CFAP126: variants seen among roughly 807,000 people sequenced by gnomAD.
CFAP126 encodes the protein protein Flattop.
CFAP126 carries 21 observed loss-of-function variants against 17.1 expected under a neutral mutation model. That is an observed-to-expected ratio of 1.23 (90% CI 0.87 to 1.77). The LOEUF (loss-of-function observed/expected upper bound fraction) is 1.77. Ranked by LOEUF, CFAP126 falls within the 40% of genes most tolerant of loss-of-function variation. The pLI is 0.00. For synonymous variants in CFAP126, 65 were observed against 73.5 expected (o/e 0.88, Z 0.59); for missense variants, 174 against 215.4 (o/e 0.81, Z 1.20).
intron 2 of CFAP126, 38 bp from the exon 3 acceptor site, chr1:161,366,316 GA>G: frequency 6.3e-7 from 1 of 1,584,936 alleles, no homozygotes; most frequent in Non-Finnish European, 8.7e-7. Flanking sequence ...TTTGTGAGGG[GA>G]AAAAGGGAAG....
chr1:161,366,365 T>C (rs755641580), intron 2 of CFAP126, 74 bp downstream of exon 2: 168 of 1,570,716 alleles, frequency 1.1e-4, no homozygotes, highest in Non-Finnish European at 1.4e-4. Flanking sequence ...TATGGGAGTT[T>C]AGAGAATGCT....
At chr1:161,366,904 G>A (rs1244594508) in intron 1 of CFAP126, 3 of 202,616 alleles carry the variant, frequency 1.5e-5, no homozygotes, top group Non-Finnish European at 3.1e-5. Context: ...CTCACAGGTA[G>A]CTGGGACTAC....
At chr1:161,365,815 T>G in intron 3 of CFAP126, 113 bp from the exon 4 acceptor site, 2 of 1,041,180 alleles carry the variant, frequency 1.9e-6, no homozygotes, top group Non-Finnish European at 2.8e-6. Context: ...GAAACAAGAC[T>G]GAAAGCATAA....
rs1278794610 is a variant in CFAP126 at position 161,366,637 on chromosome 1, G to A, written c.28-136C>T. The A allele has an allele frequency of 5.0e-6, 4 of 798,736 alleles. No homozygotes were observed. In the African/African-American group the frequency reaches 5.1e-5, roughly 10 times the overall value. The allele number at this position is 798,736 out of a possible 1,614,324, so 49.5% of individuals were successfully genotyped here. ...TAGGCTTTAAGTCACTATGACAAGGGTGTAATTTGTTTGGTCTAGATGTGT... is the reference window on the plus strand; with the variant it reads ...TAGGCTTTAAGTCACTATGACAAGGATGTAATTTGTTTGGTCTAGATGTGT... On this transcript the variant is annotated intron_variant, in intron 1 of 4. Coordinates refer to ENST00000367974, the MANE Select transcript of CFAP126 (RefSeq NM_001013625.4).
chr1:161,365,833 A>C, intron 3 of CFAP126, 131 bp from the exon 4 acceptor site: 1 of 884,364 alleles, frequency 1.1e-6, no homozygotes, highest in Non-Finnish European at 1.7e-6. Flanking sequence ...TAATCTTCCC[A>C]CCCTTCCTTA....
intron 1 of CFAP126, 83 bp from the exon 2 acceptor site, chr1:161,366,584 T>G: frequency 7.6e-7 from 1 of 1,320,888 alleles, no homozygotes; most frequent in Non-Finnish European, 1.1e-6. Flanking sequence ...TTCTTTAGAT[T>G]TGAAGACCAA....
At position 161,365,605 on chromosome 1, in the gene CFAP126, G is replaced by A; in HGVS notation, c.269C>T (p.Ala90Val). The A allele has an allele frequency of 6.2e-7, 1 of 1,614,146 alleles. No homozygotes were observed. The highest frequency in any genetic ancestry group is 8.5e-7 in the Non-Finnish European group (1 of 1,179,992). The change falls in exon 4 of 5, where the codon GCC (alanine) becomes GTC (valine). Residue 90 changes from alanine (A) to valine (V), a missense_variant. Transcript: ENST00000367974. ...TTTCTGTATCCATTTGGTGAGGGAG[G>A]CAGCACCAGCAGTTGTACGGGAGGT... ...TLTSRTTAGA[A>V]SLTKWIQKNP...
In CFAP126 at chr1:161,366,080, CAACATGA is replaced by C. The variant is rs1196685877; in HGVS notation, c.171+111_171+117del. The C allele has an allele frequency of 6.7e-6, 6 of 894,476 alleles. No homozygotes were observed. The African/African-American group carries it at 9.9e-5, about 15-fold the overall frequency. The allele number at this position is 894,476 out of a possible 1,614,324, so 55.4% of individuals were successfully genotyped here. On this transcript the variant is annotated intron_variant, in intron 3 of 4. Coordinates refer to ENST00000367974, the MANE Select transcript of CFAP126 (RefSeq NM_001013625.4). ...CGGAAGTTCAGGGGCTCTCACATTA[CAACATGA>C]ATTAGATTAAACTTTAATTTTCCCG...
intron 1 of CFAP126, 80 bp downstream of exon 1, chr1:161,367,762 A>G (rs1571905113): frequency 7.7e-7 from 1 of 1,298,042 alleles, no homozygotes; most frequent in South Asian, 1.2e-5. Context: ...AAAGATCAGA[A>G]TCCTATGAGA....
rs529245072 is a variant in CFAP126, at chr1:161,365,040, A to G, written c.459T>C (p.Asn153=). The G allele has an allele frequency of 6.2e-7, 1 of 1,614,070 alleles. No individual in the cohort carries two copies. The highest frequency in any genetic ancestry group is 2.2e-5 in the East Asian group (1 of 44,888). The stretch of plus-strand genomic sequence containing the variant: ...GTGAGCTTTGGAGTTCATCTGGGGA[A>G]TTGAGGTTGGCAGCTGGGGAGCTTG... The part of the protein sequence containing the change: ...IIPSSPAANL[N]SPDELQSSHP... Residue 153 remains asparagine, a synonymous_variant, in exon 5 of 5, where the codon AAT becomes AAC. Coordinates refer to ENST00000367974, the MANE Select transcript of CFAP126 (RefSeq NM_001013625.4).
At chr1:161,366,394 G>A in intron 2 of CFAP126, 45 bp downstream of exon 2, 1 of 1,588,620 alleles carries the variant, frequency 6.3e-7, no homozygotes. Context: ...TTAATTGACA[G>A]GGAGAGCATG....
chr1:161,366,465 AG>A lies in CFAP126; in HGVS notation c.63del (p.Trp22GlyfsTer51). 2 of 1,614,146 alleles carry A rather than the reference AG, an allele frequency of 1.2e-6. No individual in the cohort carries two copies. The highest frequency in any genetic ancestry group is 1.6e-4 in the Middle Eastern group (1 of 6,062). ...EKAFSSKYLQ[N>X]WSPTKPTKES... ...TCTTTTGTTGGCTTAGTGGGAGACC[AG>A]TTCTGCAGATACTTGGATGAGAAAG... On this transcript the variant is annotated frameshift_variant, in exon 2 of 5. Transcript: ENST00000367974. LOFTEE classifies it high-confidence loss of function.
At chr1:161,366,611 G>A (rs1571904475) in intron 1 of CFAP126, 110 bp from the exon 2 acceptor site, 2 of 969,678 alleles carry the variant, frequency 2.1e-6, no homozygotes, top group East Asian at 4.8e-5. Flanking sequence ...GACCAACCAT[G>A]TAGGCTTTAA....
In CFAP126 at chr1:161,364,847, C is replaced by T. The variant is rs1378840430; in HGVS notation, c.*118G>A. The T allele has an allele frequency of 2.7e-5, 26 of 974,534 alleles. No homozygotes were observed. Among genetic ancestry groups the T allele is most frequent in the South Asian group, 2.3e-4 (14 of 61,002 alleles). The allele number at this position is 974,534 out of a possible 1,614,324, so 60.4% of individuals were successfully genotyped here. On this transcript the variant is annotated 3_prime_UTR_variant, in exon 5 of 5. Transcript: ENST00000367974. ...TTGTTTATTTCACTGAGTCGCTATA[C>T]GGGTTTTTCAGTGTGTGGCCACTTG...
intron 3 of CFAP126, 143 bp downstream of exon 3, chr1:161,366,055 C>T (rs75715534): frequency 8.2e-5 from 61 of 739,576 alleles, no homozygotes; most frequent in Non-Finnish European, 9.5e-5. Flanking sequence ...GTAAGCTGGC[C>T]GGAAGTTCAG....
Position 161,365,056 on chromosome 1 carries a change from G to T in CFAP126, c.443C>A (p.Pro148Gln), listed in dbSNP as rs780687466. The change falls in exon 5 of 5, where the codon CCA becomes CAA. Residue 148 changes from proline (P) to glutamine (Q), a missense_variant. Transcript: ENST00000367974. ...ATCTGGGGAATTGAGGTTGGCAGCTGGGGAGCTTGGAATTATGGTTGGACT... is the reference window on the plus strand; with the variant it reads ...ATCTGGGGAATTGAGGTTGGCAGCTTGGGAGCTTGGAATTATGGTTGGACT... ...ARSPTIIPSS[P>Q]AANLNSPDEL... 6.2e-7 allele frequency: 1 copy of T among 1,614,122 alleles called. No individual in the cohort carries two copies. Among genetic ancestry groups the T allele is most frequent in the African/African-American group, 1.3e-5 (1 of 75,034 alleles).
intron 3 of CFAP126, 32 bp downstream of exon 3, chr1:161,366,166 C>G (rs1672722995): frequency 6.6e-7 from 1 of 1,521,080 alleles, no homozygotes; most frequent in East Asian, 2.2e-5. Flanking sequence ...AATTATTTGA[C>G]TTTCTTGATA....
chr1:161,365,441 A>C, intron 4 of CFAP126, 85 bp downstream of exon 4: 2 of 1,479,664 alleles, frequency 1.4e-6, no homozygotes, highest in Middle Eastern at 3.5e-4. Context: ...ATGCTGGGAT[A>C]GTGGTGGCAT....
intron 1 of CFAP126, 130 bp from the exon 2 acceptor site, chr1:161,366,631 A>G: frequency 1.2e-6 from 1 of 819,810 alleles, no homozygotes; most frequent in Non-Finnish European, 2.1e-6. Context: ...AGTCACTATG[A>G]CAAGGGTGTA....
Sources: gnomAD v4.1 joint callset for allele counts on GRCh38, gnomAD v4.1.1 for gene constraint, MANE v1.5 for transcripts, NCBI Gene and HGNC (gene_info 2026-07-23, HGNC 2026-07-21) for gene names.